Variants in ANKRD11 observed in about 807,000 individuals in gnomAD.
The protein encoded by ANKRD11 is ankyrin repeat domain-containing protein 11.
ANKRD11 carries 17 observed loss-of-function variants against 195.7 expected under a neutral mutation model. The observed-to-expected ratio is 0.09, with a 90% CI of 0.06 to 0.13. The LOEUF is 0.13. ANKRD11 is among the 10% of genes least tolerant of loss of function. The pLI, the probability that ANKRD11 is intolerant of heterozygous loss-of-function variation, is 1.00. For missense variants in ANKRD11, 3,735 were observed against 3,566.1 expected (o/e 1.05, Z -1.21); for synonymous variants, 1,953 against 1,528.1 (o/e 1.28, Z -6.49).
rs74033734 is a variant in ANKRD11 at position 89,285,246 on chromosome 16, C to T, written c.1296G>A (p.Thr432=). 7 of 1,613,632 alleles carry T rather than the reference C, an allele frequency of 4.3e-6. No individual in the cohort carries two copies. Among genetic ancestry groups the T allele is most frequent in the East Asian group, 2.2e-5 (1 of 44,888 alleles). ...TGEKLRLSAH[T]ILPGSKTREP... ...CTCGTGTCTTACTACCAGGCAATAT[C>T]GTATGTGCCGAGAGTCTCAGCTTCT... Residue 432 remains threonine (T), a synonymous_variant, in exon 9 of 13, where the codon ACG becomes ACA. Transcript: ENST00000301030. The surrounding 1 kb of genome is among the most constrained non-coding windows in gnomAD (Gnocchi z 5.6).
At chr16:89,455,716 T>C (rs559924243) in intron 1 of ANKRD11, among the ~76,000 whole-genome samples, 1 of 152,272 alleles carries the variant, frequency 6.6e-6, no homozygotes, top group East Asian at 1.9e-4. Context: ...CCATTGCTGG[T>C]ACAAAAGAGT....
intron 12 of ANKRD11, chr16:89,270,049 A>G (rs1462306271): frequency 6.5e-6 from 1 of 153,082 alleles, no homozygotes; most frequent in East Asian, 1.9e-4. Flanking sequence ...CTGCACCATC[A>G]TCTTAGGGCT....
chr16:89,341,220 T>A (rs1239043182), intron 2 of ANKRD11, among the ~76,000 whole-genome samples: 1 of 152,234 alleles, frequency 6.6e-6, no homozygotes, highest in African/African-American at 2.4e-5. Flanking sequence ...AGACTGGACT[T>A]CTGCTGCCAT....
At chr16:89,442,823 G>A (rs11642871) in intron 1 of ANKRD11, among the ~76,000 whole-genome samples, 2,908 of 152,250 alleles carry the variant, frequency 0.019, 35 homozygotes, top group Non-Finnish European at 0.031. Context: ...GGCCTGGTGA[G>A]CCTCCGGCGC....
At chr16:89,306,989 C>T (rs970384083) in intron 3 of ANKRD11, among the ~76,000 whole-genome samples, 1 of 151,722 alleles carries the variant, frequency 6.6e-6, no homozygotes, top group East Asian at 1.9e-4. Flanking sequence ...GACGGTGCGA[C>T]ACACACAGCG....
intron 2 of ANKRD11, among the ~76,000 whole-genome samples, chr16:89,334,833 G>A (rs988959169): frequency 7.9e-5 from 12 of 152,126 alleles, no homozygotes; most frequent in Non-Finnish European, 1.6e-4. Context: ...CACAACACAC[G>A]GGGCGCACGT....
chr16:89,286,258 G>A, intron 7 of ANKRD11, 72 bp from the exon 8 acceptor site: 4 of 1,592,606 alleles, frequency 2.5e-6, no homozygotes, highest in Middle Eastern at 2.0e-4. Flanking sequence ...GCATAACACG[G>A]CAGCCCCTTC....
chr16:89,457,053 G>A (rs926129532), intron 1 of ANKRD11, among the ~76,000 whole-genome samples: 10 of 146,444 alleles, frequency 6.8e-5, no homozygotes, highest in African/African-American at 1.5e-4. Context: ...TCCGCCTCCC[G>A]GGTTCACGCC....
At chr16:89,437,441 T>C (rs1163228303) in intron 1 of ANKRD11, among the ~76,000 whole-genome samples, 1 of 151,928 alleles carries the variant, frequency 6.6e-6, no homozygotes, top group Non-Finnish European at 1.5e-5. Context: ...CTACTTCCTC[T>C]CTCCTCATTC....
intron 2 of ANKRD11, among the ~76,000 whole-genome samples, chr16:89,318,473 C>T (rs555539844): frequency 3.6e-4 from 55 of 152,206 alleles, no homozygotes; most frequent in African/African-American, 1.1e-3. Flanking sequence ...GCGACCATGC[C>T]GGGAGAAGCA....
At chr16:89,300,965 A>C in intron 4 of ANKRD11, 1 of 672,946 alleles carries the variant, frequency 1.5e-6, no homozygotes, top group Non-Finnish European at 2.7e-6. Context: ...CGGCGGTCCT[A>C]GGCAGGGAGA....
chr16:89,289,196 G>A lies in ANKRD11; in HGVS notation c.602-526C>T, dbSNP rs372991221. On this transcript the variant is annotated intron_variant, in intron 6 of 12. Coordinates refer to ENST00000301030, the MANE Select transcript of ANKRD11 (RefSeq NM_013275.6). ...GGGAGCTTGGAGTCCACCATCGGACGGTGTGGCCGCACGCATCCGTGGAAA... is the reference window on the plus strand; with the variant it reads ...GGGAGCTTGGAGTCCACCATCGGACAGTGTGGCCGCACGCATCCGTGGAAA... Among the ~76,000 whole-genome samples, 77 of 152,280 alleles carry A rather than the reference G, an allele frequency of 5.1e-4. 1 individual carries two copies. In the South Asian group the frequency reaches 0.015, roughly 30 times the overall value.
chr16:89,468,444 C>T (rs917068288), intron 1 of ANKRD11, among the ~76,000 whole-genome samples: 1 of 152,220 alleles, frequency 6.6e-6, no homozygotes, highest in South Asian at 2.1e-4. Flanking sequence ...ATGGCTCACA[C>T]TTGTAATCCC....
intron 2 of ANKRD11, among the ~76,000 whole-genome samples, chr16:89,394,023 T>C (rs1453593091): frequency 6.6e-6 from 1 of 152,214 alleles, no homozygotes; most frequent in Non-Finnish European, 1.5e-5. Flanking sequence ...CAGTGTTTGC[T>C]GACTGCAACA....
intron 2 of ANKRD11, among the ~76,000 whole-genome samples, chr16:89,327,028 G>T (rs1321895737): frequency 6.6e-6 from 1 of 151,782 alleles, no homozygotes; most frequent in African/African-American, 2.4e-5. Context: ...GGTGGGGAAT[G>T]CAGAGGTGGG....
intron 2 of ANKRD11, among the ~76,000 whole-genome samples, chr16:89,376,530 T>C (rs2040430711): frequency 6.6e-6 from 1 of 152,174 alleles, no homozygotes; most frequent in Non-Finnish European, 1.5e-5. Flanking sequence ...TTCCACCTGC[T>C]GGGTTCAAGC....
intron 2 of ANKRD11, among the ~76,000 whole-genome samples, chr16:89,412,894 G>C: frequency 6.6e-6 from 1 of 152,196 alleles, no homozygotes; most frequent in East Asian, 1.9e-4. Context: ...GCAGAGGACA[G>C]AGGACAGCAG....
chr16:89,346,938 G>A (rs2038968060), intron 2 of ANKRD11, among the ~76,000 whole-genome samples: 1 of 152,150 alleles, frequency 6.6e-6, no homozygotes, highest in African/African-American at 2.4e-5. Context: ...TAGAGAACAA[G>A]CTACACGACA....
chr16:89,424,397 C>T (rs1032887342), intron 1 of ANKRD11, among the ~76,000 whole-genome samples: 1 of 151,346 alleles, frequency 6.6e-6, no homozygotes, highest in Middle Eastern at 3.4e-3. Context: ...GCCAAGATCA[C>T]ACCTCTGCAC....
Sources: gnomAD v4.1 joint callset for allele counts (sites outside exome capture counted in the v4.1 genomes callset) on GRCh38, gnomAD v4.1.1 for gene constraint, Gnocchi (gnomAD v3.1) non-coding constraint, MANE v1.5 for transcripts, NCBI Gene and HGNC (gene_info 2026-07-23, HGNC 2026-07-21) for gene names.